Variants in DPP6 observed in about 807,000 individuals in gnomAD.
DPP6 encodes the protein A-type potassium channel modulatory protein DPP6.
DPP6 carries 69 observed loss-of-function variants against 122.6 expected under a neutral mutation model. That is an observed-to-expected ratio of 0.56 (90% CI 0.46 to 0.69). DPP6 has a LOEUF of 0.69. DPP6 is among the 30% of genes least tolerant of loss of function. The pLI, the probability that DPP6 is intolerant of heterozygous loss-of-function variation, is 0.00. For missense variants in DPP6, 928 were observed against 1,116.9 expected (o/e 0.83, Z 2.41); for synonymous variants, 418 against 433.1 (o/e 0.97, Z 0.43).
chr7:154,558,319 C>T (rs1166069453), intron 4 of DPP6, among the ~76,000 whole-genome samples: 1 of 152,144 alleles, frequency 6.6e-6, no homozygotes, highest in Non-Finnish European at 1.5e-5. Context: ...CAAAATAAAA[C>T]TCCAAGGAAA....
At chr7:154,324,327 T>G (rs996772165) in intron 1 of DPP6, among the ~76,000 whole-genome samples, 8 of 152,214 alleles carry the variant, frequency 5.3e-5, no homozygotes, top group Admixed American at 5.2e-4. Context: ...AAGTTGTGTT[T>G]GCTTGTGCGC....
chr7:153,790,340 A>G, the DPP6 span, among the ~76,000 whole-genome samples: 11 of 135,306 alleles, frequency 8.1e-5, no homozygotes, highest in Non-Finnish European at 8.2e-5. Flanking sequence ...ATGAACAAAT[A>G]ATTTCAGTAA....
At chr7:154,286,450 G>A (rs181037958) in intron 1 of DPP6, among the ~76,000 whole-genome samples, 3 of 152,308 alleles carry the variant, frequency 2.0e-5, no homozygotes, top group Admixed American at 6.5e-5. Flanking sequence ...AGCTTGCTTA[G>A]GTAGGCAAGC....
intron 2 of DPP6, among the ~76,000 whole-genome samples, chr7:154,449,977 C>A (rs1416104154): frequency 4.6e-5 from 7 of 151,618 alleles, no homozygotes; most frequent in African/African-American, 1.5e-4. Context: ...CCATTGCATT[C>A]CAGCCTGGGT....
intron 22 of DPP6, 59 bp from the exon 23 acceptor site, chr7:154,887,617 G>C: frequency 6.3e-7 from 1 of 1,586,176 alleles, no homozygotes; most frequent in Non-Finnish European, 8.7e-7. Flanking sequence ...AGAGTTTGGG[G>C]GCTGCGCTCA....
In DPP6 at chr7:154,493,008, G is replaced by A. The variant is rs548867655; in HGVS notation, c.457+17971G>A. 5.3e-5 allele frequency among the ~76,000 whole-genome samples: 8 copies of A among 152,268 alleles called. No individual in the cohort carries two copies. The South Asian group carries it at 6.2e-4, about 12-fold the overall frequency. ...TCTTAAACATGGCCCAGTGACCCCC[G>A]TGTGCGGGTTAAACTCGAGATTCCT... is the stretch of plus-strand genomic sequence containing the variant. On this transcript the variant is annotated intron_variant, in intron 3 of 25. Transcript: ENST00000377770.
At chr7:154,596,193 A>G (rs1833080715) in intron 5 of DPP6, among the ~76,000 whole-genome samples, 1 of 152,272 alleles carries the variant, frequency 6.6e-6, no homozygotes, top group African/African-American at 2.4e-5. Context: ...AGGATTAGGT[A>G]TTCATTTCAG....
chr7:154,433,834 A>G (rs1818648470), intron 1 of DPP6, among the ~76,000 whole-genome samples: 1 of 152,138 alleles, frequency 6.6e-6, no homozygotes. Flanking sequence ...TACAGGTCCA[A>G]CTTTCCAACA....
At chr7:154,046,747 C>T (rs1252868246) in intron 1 of DPP6, among the ~76,000 whole-genome samples, 1 of 152,188 alleles carries the variant, frequency 6.6e-6, no homozygotes, top group Non-Finnish European at 1.5e-5. Context: ...ACTTGCTGGG[C>T]TTTTCTTATT....
Position 154,744,615 on chromosome 7 carries a change from C to T in DPP6, c.883+16728C>T, listed in dbSNP as rs569201793. Reference sequence around the variant, plus strand: ...TCCATTTGCCTTCTGGCTTGATGTTCGCTGATTTCTTTTTTAACCCCCCAT... The same window carrying T: ...TCCATTTGCCTTCTGGCTTGATGTTTGCTGATTTCTTTTTTAACCCCCCAT... On this transcript the variant is annotated intron_variant, in intron 8 of 25. Coordinates refer to ENST00000377770, the MANE Select transcript of DPP6 (RefSeq NM_130797.4). 7.9e-5 allele frequency among the ~76,000 whole-genome samples: 12 copies of T among 152,314 alleles called. No homozygotes were observed. In the South Asian group the frequency reaches 1.5e-3, roughly 18 times the overall value.
At chr7:153,789,864 A>C in the DPP6 span, among the ~76,000 whole-genome samples, 2 of 152,152 alleles carry the variant, frequency 1.3e-5, no homozygotes, top group Admixed American at 6.5e-5. Flanking sequence ...TTTCTCTATA[A>C]CTTAGGGAAG....
chr7:153,848,046 A>T, the DPP6 span, among the ~76,000 whole-genome samples: 1 of 152,198 alleles, frequency 6.6e-6, no homozygotes, highest in African/African-American at 2.4e-5. Context: ...GCGACGGATG[A>T]AAAAATGTAC....
At chr7:153,918,098 C>G (rs888767306) in intron 1 of DPP6, among the ~76,000 whole-genome samples, 2 of 152,290 alleles carry the variant, frequency 1.3e-5, no homozygotes, top group Admixed American at 1.3e-4. Flanking sequence ...TGAACTGGTA[C>G]TTTAACTACC....
chr7:154,682,466 G>C (rs562639986), intron 7 of DPP6, among the ~76,000 whole-genome samples: 2 of 152,212 alleles, frequency 1.3e-5, no homozygotes, highest in Non-Finnish European at 2.9e-5. Flanking sequence ...TGCCCCTCAC[G>C]CACTCTCCGG....
chr7:154,633,169 C>T (rs1052713261), intron 5 of DPP6, among the ~76,000 whole-genome samples: 2 of 152,008 alleles, frequency 1.3e-5, no homozygotes, highest in Admixed American at 6.6e-5. Context: ...TTACTAATTT[C>T]CAATCTTTGT....
chr7:154,378,459 A>G (rs1359321911), intron 1 of DPP6, among the ~76,000 whole-genome samples: 2 of 152,234 alleles, frequency 1.3e-5, no homozygotes, highest in African/African-American at 4.8e-5. Context: ...AAAAGTTGAG[A>G]AAATTTATTT....
chr7:154,505,668 T>C (rs956078943), intron 3 of DPP6, among the ~76,000 whole-genome samples: 4 of 152,150 alleles, frequency 2.6e-5, no homozygotes, highest in Non-Finnish European at 1.5e-5. Flanking sequence ...GTAGACTGGG[T>C]TTATAGGGCT....
intron 5 of DPP6, among the ~76,000 whole-genome samples, chr7:154,580,764 G>A (rs1052762827): frequency 1.3e-5 from 2 of 152,200 alleles, no homozygotes; most frequent in Admixed American, 6.5e-5. Flanking sequence ...AGAGGAATGG[G>A]GAGAACCTTC....
chr7:154,416,542 C>G (rs935550087), intron 1 of DPP6, among the ~76,000 whole-genome samples: 1 of 152,152 alleles, frequency 6.6e-6, no homozygotes, highest in Non-Finnish European at 1.5e-5. Context: ...AATAAAATCT[C>G]TTACTGTGCC....
Sources: allele counts gnomAD v4.1 joint callset (sites outside exome capture counted in the v4.1 genomes callset), GRCh38; gene constraint gnomAD v4.1.1; transcripts MANE v1.5; gene names NCBI Gene and HGNC (gene_info 2026-07-23, HGNC 2026-07-21).